The following GMPS variants were observed in gnomAD, a reference collection of about 807,000 sequenced individuals.
The protein encoded by GMPS is GMP synthase [glutamine-hydrolyzing].
Under a neutral mutation model 77.9 loss-of-function variants are expected in GMPS, and 15 were observed. The observed-to-expected ratio is 0.19, with a 90% CI of 0.13 to 0.30. The LOEUF is 0.30. GMPS is among the 10% of genes least tolerant of loss of function. GMPS has a pLI of 1.00. For synonymous variants in GMPS, 224 were observed against 275.9 expected (o/e 0.81, Z 1.86); for missense variants, 590 against 838.8 (o/e 0.70, Z 3.66).
intron 12 of GMPS, among the ~76,000 whole-genome samples, chr3:155,930,309 G>A (rs1244505512): frequency 3.4e-5 from 5 of 148,124 alleles, no homozygotes; most frequent in Admixed American, 6.8e-5. Flanking sequence ...CTAGCCATAT[G>A]TAGAAAGCTG....
chr3:155,901,184 A>G (rs1220278415), intron 3 of GMPS, among the ~76,000 whole-genome samples: 2 of 152,048 alleles, frequency 1.3e-5, no homozygotes, highest in African/African-American at 4.8e-5. Flanking sequence ...GAATTTTGTT[A>G]TTCATTCCCT....
intron 1 of GMPS, among the ~76,000 whole-genome samples, chr3:155,892,865 C>G (rs1289238499): frequency 1.3e-5 from 2 of 152,206 alleles, no homozygotes; most frequent in Non-Finnish European, 1.5e-5. Context: ...CTCGTGACCT[C>G]AGGTAATCCA....
At chr3:155,896,015 G>GTT (rs1392180751) in intron 2 of GMPS, among the ~76,000 whole-genome samples, 2 of 141,712 alleles carry the variant, frequency 1.4e-5, no homozygotes. Flanking sequence ...TTTTGTTTTT[G>GTT]TTTTTTTTTT....
chr3:155,917,679 C>A (rs578125264), intron 9 of GMPS, among the ~76,000 whole-genome samples: 2 of 152,048 alleles, frequency 1.3e-5, no homozygotes, highest in East Asian at 3.9e-4. Flanking sequence ...TTGAGACCAG[C>A]CTGGTCAACA....
rs1447601264 is a variant in GMPS, at chr3:155,937,906, T to C, written c.*214T>C. ...GGTAAATAATCAAAGCACCATTGCC[T>C]ACACTCAGACAGATTGATACTGCTT... On this transcript the variant is annotated 3_prime_UTR_variant, in exon 16 of 16. Transcript: ENST00000496455. 7 of 493,612 alleles carry C rather than the reference T, an allele frequency of 1.4e-5. No homozygotes were observed. In the Admixed American group the frequency reaches 2.6e-4, roughly 18 times the overall value. The allele number at this position is 493,612 out of a possible 1,614,324, so 30.6% of individuals were successfully genotyped here.
At chr3:155,893,903 A>G (rs1754532744) in intron 2 of GMPS, among the ~76,000 whole-genome samples, 1 of 152,244 alleles carries the variant, frequency 6.6e-6, no homozygotes, top group Non-Finnish European at 1.5e-5. Flanking sequence ...TTGTACAGTT[A>G]AAAGAACTTA....
intron 1 of GMPS, among the ~76,000 whole-genome samples, chr3:155,892,717 C>T (rs777003185): frequency 2.6e-5 from 4 of 152,196 alleles, no homozygotes; most frequent in Non-Finnish European, 4.4e-5. Context: ...CTGCAACCTC[C>T]GCCTCCGGGG....
rs1374184081 is a variant in GMPS, at chr3:155,922,063, A to AT, written c.1319-123dup. ...TAATAGCTACATTTGGATACTTATG[A>AT]TGGGCAGATGGATTTTAATTTTGGA... On this transcript the variant is annotated intron_variant, in intron 10 of 15. Transcript: ENST00000496455. 5.8e-6 allele frequency: 3 copies of AT among 515,604 alleles called. No individual in the cohort carries two copies. The African/African-American group carries it at 6.1e-5, about 10-fold the overall frequency. The allele number at this position is 515,604 out of a possible 1,614,324, so 31.9% of individuals were successfully genotyped here.
In GMPS at chr3:155,870,684, C is replaced by G. The variant is rs1026099424; in HGVS notation, c.-187C>G. On this transcript the variant is annotated 5_prime_UTR_variant, in exon 1 of 16. Coordinates refer to ENST00000496455, the MANE Select transcript of GMPS (RefSeq NM_003875.3). ...GCTGCTGGTCTTCTCTCCCGCGGCG[C>G]TGGGGCCCGCGCTCCGCTGCTGTTG... 1.6e-4 allele frequency: 80 copies of G among 515,260 alleles called. No individual in the cohort carries two copies. The highest frequency in any genetic ancestry group is 7.9e-5 in the Non-Finnish European group (23 of 290,738). 31.9% of individuals were successfully genotyped at this position (515,260 alleles called of 1,614,324 possible).
At chr3:155,935,194 T>A in intron 14 of GMPS, 148 bp downstream of exon 14, 1 of 682,160 alleles carries the variant, frequency 1.5e-6, no homozygotes, top group South Asian at 1.8e-5. Context: ...TGCTTTTTTT[T>A]CTTGAGACGG....
At chr3:155,893,159 C>T (rs1044945790) in intron 1 of GMPS, among the ~76,000 whole-genome samples, 9 of 152,114 alleles carry the variant, frequency 5.9e-5, no homozygotes, top group African/African-American at 2.2e-4. Flanking sequence ...TGAAAGGATG[C>T]ACTGTTAATA....
chr3:155,922,259 A>G lies in GMPS; in HGVS notation c.1391A>G (p.Asn464Ser). 6.5e-7 allele frequency: 1 copy of G among 1,548,384 alleles called. No homozygotes were observed. Among genetic ancestry groups the G allele is most frequent in the Non-Finnish European group, 8.8e-7 (1 of 1,142,426 alleles). ...YICKDFPETN[N>S]ILKIVADFSA... ...TGTAAGGACTTTCCTGAAACCAACA[A>G]TATTTTGAAAATAGTAGCTGATTTT... Residue 464 changes from asparagine to serine, a missense_variant, in exon 11 of 16, where the codon AAT (asparagine) becomes AGT (serine). Asn to Ser is a conservative substitution (Grantham distance 46, BLOSUM62 1). Transcript: ENST00000496455.
chr3:155,899,984 C>T (rs971941618), intron 3 of GMPS, among the ~76,000 whole-genome samples: 1 of 152,174 alleles, frequency 6.6e-6, no homozygotes, highest in African/African-American at 2.4e-5. Context: ...AGTTCATTCA[C>T]TCATTCAGTA....
intron 10 of GMPS, among the ~76,000 whole-genome samples, chr3:155,920,433 G>C (rs1390967037): frequency 6.6e-6 from 1 of 151,988 alleles, no homozygotes; most frequent in Admixed American, 6.6e-5. Context: ...AAATTAGCCA[G>C]GTGTGGTGGC....
At chr3:155,919,372 C>A (rs1282036280) in intron 10 of GMPS, 34 bp downstream of exon 10, 3 of 984,630 alleles carry the variant, frequency 3.0e-6, no homozygotes, top group Non-Finnish European at 4.8e-6. Flanking sequence ...TTTGATTCAT[C>A]TTTAGACCTT....
intron 1 of GMPS, among the ~76,000 whole-genome samples, chr3:155,875,541 C>T (rs755186187): frequency 1.6e-4 from 24 of 152,206 alleles, no homozygotes; most frequent in Non-Finnish European, 3.1e-4. Flanking sequence ...TGGCCTTAAA[C>T]TTTGTTTTTA....
chr3:155,882,498 A>G (rs1224114783), intron 1 of GMPS, among the ~76,000 whole-genome samples: 3 of 152,204 alleles, frequency 2.0e-5, no homozygotes, highest in Non-Finnish European at 4.4e-5. Flanking sequence ...CAGGTTTCTC[A>G]TTAACCTTTT....
rs763513755 is a variant in GMPS at position 155,897,956 on chromosome 3, C to T, written c.239C>T (p.Ser80Phe). 6.3e-7 allele frequency: 1 copy of T among 1,598,280 alleles called. No homozygotes were observed. Among genetic ancestry groups the T allele is most frequent in the South Asian group, 1.1e-5 (1 of 90,690 alleles). ...ATTATCATCTCTGGAGGACCTAATT[C>T]TGTGTATGCTGAAGATGCTCCCTGG... ...RAIIISGGPN[S>F]VYAEDAPWFD... The change falls in exon 3 of 16, where the codon TCT becomes TTT. Residue 80 changes from serine to phenylalanine, a missense_variant. Coordinates refer to ENST00000496455, the MANE Select transcript of GMPS (RefSeq NM_003875.3).
rs545444266 is a variant in GMPS at position 155,929,072 on chromosome 3, A to G, written c.1561-2693A>G. ...TACCCAGTAATGGGATGGCTGGGTC[A>G]AATGGTATTTCTAGCTCTAGATCCC... On this transcript the variant is annotated intron_variant, in intron 12 of 15. Transcript: ENST00000496455. 4.2e-4 allele frequency among the ~76,000 whole-genome samples: 63 copies of G among 151,784 alleles called. No homozygotes were observed. The East Asian group carries it at 0.012, about 29-fold the overall frequency.
Sources: gnomAD v4.1 joint callset for allele counts (sites outside exome capture counted in the v4.1 genomes callset) on GRCh38, gnomAD v4.1.1 for gene constraint, MANE v1.5 for transcripts, NCBI Gene and HGNC (gene_info 2026-07-23, HGNC 2026-07-21) for gene names.